Variants in CACNA1C observed in about 807,000 individuals in gnomAD.
CACNA1C encodes voltage-dependent L-type calcium channel subunit alpha-1C.
A neutral mutation model predicts 229.0 loss-of-function variants in CACNA1C; 30 were observed. That is an observed-to-expected ratio of 0.13 (90% CI 0.10 to 0.18). The LOEUF (loss-of-function observed/expected upper bound fraction) is 0.18. Among genes scored for constraint, CACNA1C ranks in the 10% least tolerant of loss-of-function variants. CACNA1C has a pLI of 1.00. For missense variants in CACNA1C, 1,658 were observed against 2,845.0 expected (o/e 0.58, Z 9.49); for synonymous variants, 1,114 against 1,132.5 (o/e 0.98, Z 0.33).
At chr12:2,572,257 A>G (rs1181450501) in intron 13 of CACNA1C, among the ~76,000 whole-genome samples, 3 of 150,154 alleles carry the variant, frequency 2.0e-5, no homozygotes, top group Non-Finnish European at 4.4e-5. Context: ...CTTCTCCTAA[A>G]ATACTGCCCT....
At chr12:2,077,722 T>A (rs1352615488) in intron 1 of CACNA1C, among the ~76,000 whole-genome samples, 1 of 152,102 alleles carries the variant, frequency 6.6e-6, no homozygotes, top group African/African-American at 2.4e-5. Flanking sequence ...AACCCTTGCA[T>A]AAAGCCCAGA....
At chr12:2,631,722 T>A (rs12321365) in intron 29 of CACNA1C, among the ~76,000 whole-genome samples, 5,279 of 152,262 alleles carry the variant, frequency 0.035, 310 homozygotes, top group African/African-American at 0.12. Flanking sequence ...GACCCTCACC[T>A]CACCCACGCC....
intron 13 of CACNA1C, among the ~76,000 whole-genome samples, chr12:2,571,365 C>T (rs1211104561): frequency 1.3e-5 from 2 of 152,084 alleles, no homozygotes; most frequent in Admixed American, 6.5e-5. Context: ...AGATAATTGC[C>T]GATTCTACTT....
chr12:2,041,851 C>T (rs890346026), intron 1 of CACNA1C, among the ~76,000 whole-genome samples: 1 of 152,228 alleles, frequency 6.6e-6, no homozygotes. Flanking sequence ...CGAGCCAGGA[C>T]CTTACGGGGC....
chr12:2,549,863 C>T (rs1691221107), intron 9 of CACNA1C, 80 bp from the exon 10 acceptor site: 7 of 985,848 alleles, frequency 7.1e-6, no homozygotes, highest in Non-Finnish European at 9.4e-6. Flanking sequence ...TTGCGGTGGG[C>T]GTGTTGCAAA....
intron 5 of CACNA1C, among the ~76,000 whole-genome samples, chr12:2,476,169 A>T (rs2099627006): frequency 6.6e-6 from 1 of 152,194 alleles, no homozygotes; most frequent in Non-Finnish European, 1.5e-5. Flanking sequence ...ATCACTTCCA[A>T]TGGATTAGAG....
intron 3 of CACNA1C, among the ~76,000 whole-genome samples, chr12:2,172,601 A>G (rs979729065): frequency 2.6e-5 from 4 of 152,242 alleles, no homozygotes; most frequent in Non-Finnish European, 5.9e-5. Flanking sequence ...AGTTGGGAAG[A>G]TGGCATCCAA....
rs561795062 is a variant in CACNA1C, at chr12:2,450,479, G to A, written c.617+1364G>A. On this transcript the variant is annotated intron_variant, in intron 4 of 46. Coordinates refer to ENST00000399655, the MANE Select transcript of CACNA1C (RefSeq NM_000719.7). ...TGAGGCAGGAGAATGGCGTGAACCCGGGAGGCGGAGCTTACAGTGAGCCGA... is the reference window on the plus strand; with the variant it reads ...TGAGGCAGGAGAATGGCGTGAACCCAGGAGGCGGAGCTTACAGTGAGCCGA... Among the ~76,000 whole-genome samples, 46 of 149,044 alleles carry A rather than the reference G, an allele frequency of 3.1e-4. 1 individual carries two copies. In the East Asian group the frequency reaches 7.3e-3, roughly 24 times the overall value.
intron 3 of CACNA1C, among the ~76,000 whole-genome samples, chr12:2,420,000 G>A (rs1252779137): frequency 1.3e-5 from 2 of 152,096 alleles, no homozygotes; most frequent in African/African-American, 4.8e-5. Flanking sequence ...CCTTGCTCTG[G>A]CCCTGCCAAG....
At chr12:2,298,016 G>A (rs1470893247) in intron 3 of CACNA1C, among the ~76,000 whole-genome samples, 2 of 152,166 alleles carry the variant, frequency 1.3e-5, no homozygotes, top group African/African-American at 4.8e-5. Flanking sequence ...TGTCCTTGCT[G>A]GGTAACATCT....
intron 42 of CACNA1C, chr12:2,680,596 C>G: frequency 6.5e-7 from 1 of 1,544,222 alleles, no homozygotes; most frequent in Non-Finnish European, 8.8e-7. Flanking sequence ...TGCTCGCCCT[C>G]CAGCTCAGAA....
intron 1 of CACNA1C, among the ~76,000 whole-genome samples, chr12:1,987,612 G>C (rs888775008): frequency 6.6e-6 from 1 of 151,874 alleles, no homozygotes; most frequent in African/African-American, 2.4e-5. Context: ...TTTTCTTATG[G>C]TATTTAAATC....
intron 15 of CACNA1C, 75 bp downstream of exon 15, chr12:2,583,017 C>T: frequency 8.7e-7 from 1 of 1,147,070 alleles, no homozygotes; most frequent in Non-Finnish European, 1.3e-6. Flanking sequence ...ACGGGCACGC[C>T]CCTCAGGTCC....
intron 3 of CACNA1C, among the ~76,000 whole-genome samples, chr12:2,258,704 T>TC (rs1179019899): frequency 6.6e-6 from 1 of 152,178 alleles, no homozygotes; most frequent in African/African-American, 2.4e-5. Flanking sequence ...TTTAATCTCT[T>TC]CCCTCTCGAT....
In CACNA1C at chr12:2,215,560, G is replaced by T. The variant is rs185912366; in HGVS notation, c.477+95130G>T. On this transcript the variant is annotated intron_variant, in intron 3 of 46. Transcript: ENST00000399655. The surrounding 1 kb of genome is among the most constrained non-coding windows in gnomAD (Gnocchi z 5.0). ...TACCACAGTCCCTGTCCCCCACACC[G>T]TTAACACTTTTACATCAGCATTGCA... Among the ~76,000 whole-genome samples the T allele has an allele frequency of 0.017, 2,519 of 152,210 alleles. 40 individuals are homozygous for T. The highest frequency in any genetic ancestry group is 0.037 in the South Asian group (176 of 4,818).
At chr12:2,423,224 A>G (rs1427809018) in intron 3 of CACNA1C, among the ~76,000 whole-genome samples, 1 of 152,118 alleles carries the variant, frequency 6.6e-6, no homozygotes, top group Non-Finnish European at 1.5e-5. Context: ...AGTATCTAGT[A>G]TTCTCATGGT....
At chr12:2,625,030 C>T (rs1035732986) in intron 29 of CACNA1C, among the ~76,000 whole-genome samples, 2 of 152,126 alleles carry the variant, frequency 1.3e-5, no homozygotes, top group Non-Finnish European at 2.9e-5. Flanking sequence ...CACGGGGCAC[C>T]GGGTGCCACG....
At chr12:2,022,274 A>T (rs1044928404) in intron 1 of CACNA1C, among the ~76,000 whole-genome samples, 1 of 152,184 alleles carries the variant, frequency 6.6e-6, no homozygotes, top group African/African-American at 2.4e-5. Flanking sequence ...GGCTCTGGCC[A>T]CCTGAGTTCA....
intron 9 of CACNA1C, among the ~76,000 whole-genome samples, chr12:2,545,987 T>C (rs551758606): frequency 6.6e-6 from 1 of 152,376 alleles, no homozygotes; most frequent in African/African-American, 2.4e-5. Flanking sequence ...CTTCACATGC[T>C]TCCATGTAGT....
Sources: gnomAD v4.1 joint callset for allele counts (sites outside exome capture counted in the v4.1 genomes callset) on GRCh38, gnomAD v4.1.1 for gene constraint, Gnocchi (gnomAD v3.1) non-coding constraint, MANE v1.5 for transcripts, NCBI Gene and HGNC (gene_info 2026-07-23, HGNC 2026-07-21) for gene names.